DMD: variants seen among roughly 807,000 people sequenced by gnomAD.
The protein encoded by DMD is dystrophin, also known as mutant dystrophin.
A neutral mutation model predicts 330.1 loss-of-function variants in DMD; 63 were observed. The observed-to-expected ratio is 0.19, with a 90% CI of 0.16 to 0.24. DMD has a LOEUF of 0.24. Among genes scored for constraint, DMD ranks in the 10% least tolerant of loss-of-function variants. DMD has a pLI of 1.00. For synonymous variants in DMD, 1,223 were observed against 959.8 expected (o/e 1.27, Z -5.07); for missense variants, 3,344 against 2,684.1 (o/e 1.25, Z -5.43).
At chrX:31,287,352 C>G (rs375573125) in intron 62 of DMD, among the ~76,000 whole-genome samples, 3 of 112,182 alleles carry the variant, frequency 2.7e-5, no homozygotes, top group African/African-American at 6.5e-5. Context: ...AACAGAGAAT[C>G]CTTCTACTCC....
intron 52 of DMD, among the ~76,000 whole-genome samples, 195 bp from the exon 53 acceptor site, chrX:31,679,781 T>C (rs2082275043): frequency 8.9e-6 from 1 of 112,274 alleles, no homozygotes; most frequent in Non-Finnish European, 1.9e-5. Flanking sequence ...TAAATTATTT[T>C]CCTGAAGGTG....
chrX:33,335,371 T>C (rs1238477018), intron 1 of DMD, among the ~76,000 whole-genome samples: 1 of 109,652 alleles, frequency 9.1e-6, no homozygotes, highest in East Asian at 2.8e-4. Flanking sequence ...AATATTACTT[T>C]GTTTCATTGT....
rs183471537 is a variant in DMD at position 33,100,222 on chromosome X, T to C, written c.32-80022A>G. 1.5e-4 allele frequency among the ~76,000 whole-genome samples: 17 copies of C among 111,660 alleles called. No homozygotes were observed. The East Asian group carries it at 4.8e-3, about 31-fold the overall frequency. ...CATATGACAGAATATTATGGAGCAA[T>C]GTAAGTAATGATTAAGTTTTACAAT... is the stretch of plus-strand genomic sequence containing the variant. On this transcript the variant is annotated intron_variant, in intron 1 of 78. Coordinates refer to ENST00000357033, the MANE Select transcript of DMD (RefSeq NM_004006.3).
intron 50 of DMD, among the ~76,000 whole-genome samples, chrX:31,818,094 T>C (rs932195759): frequency 1.8e-5 from 2 of 112,001 alleles, no homozygotes; most frequent in African/African-American, 6.5e-5. Context: ...AAAATGCAGA[T>C]TGTGATTCAG....
rs1557051739 is a variant in DMD at position 32,815,520 on chromosome X, T to TACACACACACACACACACACAC, written c.530+947_530+948insGTGTGTGTGTGTGTGTGTGTGT. 8.6e-4 allele frequency among the ~76,000 whole-genome samples: 68 copies of TACACACACACACACACACACAC among 78,911 alleles called. 1 individual carries two copies. Among genetic ancestry groups the TACACACACACACACACACACAC allele is most frequent in the African/African-American group, 3.5e-3 (66 of 18,842 alleles). 68.5% of individuals were successfully genotyped at this position (78,911 alleles called of 115,157 possible). ...ATATATATATATATATATATATATA[T>TACACACACACACACACACACAC]ACACACACACACACACATATATATA... On this transcript the variant is annotated intron_variant, in intron 6 of 78. Transcript: ENST00000357033.
Position 32,664,759 on chromosome X carries a change from G to C in DMD, c.961-19607C>G, listed in dbSNP as rs140870527. ...AATGTATAAAAAGTTGTGTATCTAA[G>C]TTTGGAGTTTGGCAGAAAGCTCTGA... On this transcript the variant is annotated intron_variant, in intron 9 of 78. Transcript: ENST00000357033. Among the ~76,000 whole-genome samples, 6 of 111,917 alleles carry C rather than the reference G, an allele frequency of 5.4e-5. No homozygotes were observed. The East Asian group carries it at 1.7e-3, about 32-fold the overall frequency.
At chrX:32,488,033 CA>C (rs3840252) in intron 20 of DMD, among the ~76,000 whole-genome samples, 6,342 of 111,182 alleles carry the variant, frequency 0.057, 237 homozygotes, top group African/African-American at 0.12. Flanking sequence ...TTTTCCCGTT[CA>C]GGGGGCTATA....
intron 60 of DMD, among the ~76,000 whole-genome samples, chrX:31,421,044 T>TAA (rs2063338859): frequency 8.9e-6 from 1 of 112,356 alleles, no homozygotes; most frequent in Non-Finnish European, 1.9e-5. Context: ...TTATGCAATA[T>TAA]TAAAGCATGA....
intron 7 of DMD, among the ~76,000 whole-genome samples, chrX:32,754,229 AT>A (rs886910215): frequency 3.6e-5 from 4 of 111,280 alleles, no homozygotes; most frequent in African/African-American, 1.3e-4. Context: ...TTTCAAAACA[AT>A]CTTATCAGAT....
chrX:31,846,655 A>T (rs1310527992), intron 48 of DMD, among the ~76,000 whole-genome samples: 3 of 111,880 alleles, frequency 2.7e-5, no homozygotes, highest in Non-Finnish European at 5.7e-5. Context: ...AAAATTCTGT[A>T]CCTTTAGAAA....
chrX:32,405,952 T>C (rs975269032), intron 30 of DMD, among the ~76,000 whole-genome samples: 1 of 111,281 alleles, frequency 9.0e-6, no homozygotes, highest in Admixed American at 9.6e-5. Context: ...TAGTTCTCCT[T>C]GAAGAGGTCC....
intron 35 of DMD, 126 bp downstream of exon 35, chrX:32,364,894 A>G: frequency 1.3e-6 from 1 of 791,286 alleles, no homozygotes; most frequent in Non-Finnish European, 1.8e-6. Context: ...TGTTATAGAT[A>G]TTGAATTAAG....
chrX:31,293,204 AGTGTGTGTGTGTGTGTGTGT>A (rs559104990), intron 62 of DMD, among the ~76,000 whole-genome samples: 1 of 58,482 alleles, frequency 1.7e-5, no homozygotes, highest in East Asian at 4.9e-4. Context: ...AGTCTGGTTT[AGTGTGTGTGTGTGTGTGTGT>A]GTGTGTGTGT....
At chrX:32,837,737 A>G (rs1192323540) in intron 4 of DMD, among the ~76,000 whole-genome samples, 1 of 111,938 alleles carries the variant, frequency 8.9e-6, no homozygotes, top group African/African-American at 3.2e-5. Flanking sequence ...GGTTGCCTCA[A>G]TGAACTGAAA....
intron 2 of DMD, among the ~76,000 whole-genome samples, chrX:32,866,636 G>T (rs1386546443): frequency 9.6e-6 from 1 of 103,747 alleles, no homozygotes; most frequent in Non-Finnish European, 1.9e-5. Flanking sequence ...TTGCAAAAAA[G>T]AATTAACGAA....
intron 44 of DMD, among the ~76,000 whole-genome samples, chrX:32,077,642 C>T (rs947346608): frequency 9.0e-6 from 1 of 111,169 alleles, no homozygotes; most frequent in Non-Finnish European, 1.9e-5. Context: ...CACAGTAAAA[C>T]TTCTTGAAAA....
chrX:32,140,176 A>G (rs2096745689), intron 44 of DMD, among the ~76,000 whole-genome samples: 2 of 112,423 alleles, frequency 1.8e-5, no homozygotes, highest in African/African-American at 6.5e-5. Flanking sequence ...CACCTTATGT[A>G]AGATATTGTA....
chrX:31,584,212 T>C (rs1229422867), intron 55 of DMD, among the ~76,000 whole-genome samples: 1 of 108,893 alleles, frequency 9.2e-6, no homozygotes, highest in African/African-American at 3.4e-5. Context: ...CACCTAGATA[T>C]TAAGCCCAGC....
intron 17 of DMD, among the ~76,000 whole-genome samples, chrX:32,526,754 T>C (rs73621803): frequency 0.078 from 8,724 of 111,801 alleles, 748 homozygotes; most frequent in African/African-American, 0.26. Flanking sequence ...ATTTAAGAAG[T>C]TGTCAATTTT....
Sources: allele counts gnomAD v4.1 joint callset (sites outside exome capture counted in the v4.1 genomes callset), GRCh38; gene constraint gnomAD v4.1.1; transcripts MANE v1.5; gene names NCBI Gene and HGNC (gene_info 2026-07-23, HGNC 2026-07-21).